CAMK1D: variants seen among roughly 807,000 people sequenced by gnomAD.
CAMK1D encodes calcium/calmodulin-dependent protein kinase type 1D.
CAMK1D carries 9 observed loss-of-function variants against 47.7 expected under a neutral mutation model. The observed-to-expected ratio is 0.19, with a 90% CI of 0.11 to 0.33. CAMK1D has a LOEUF of 0.33. CAMK1D is among the 10% of genes least tolerant of loss of function. The probability of loss-of-function intolerance (pLI) is 1.00; values close to 1 mark genes in which losing one functional copy is unlikely to be tolerated. For synonymous variants in CAMK1D, 184 were observed against 184.9 expected (o/e 0.99, Z 0.04); for missense variants, 291 against 488.7 (o/e 0.60, Z 3.81).
In CAMK1D at chr10:12,694,182, ATAATAT is replaced by A. The variant is rs1833107833; in HGVS notation, c.299+27373_299+27378del. Among the ~76,000 whole-genome samples the A allele has an allele frequency of 4.3e-5, 2 of 46,264 alleles. 1 individual carries two copies. Among genetic ancestry groups the A allele is most frequent in the Non-Finnish European group, 7.2e-5 (2 of 27,764 alleles). The allele number at this position is 46,264 out of a possible 152,430, so 30.4% of individuals were successfully genotyped here. ...ATATTATGCATAATATATATTATAT[ATAATAT>A]AATATATATTATATATTATGTATAA... On this transcript the variant is annotated intron_variant, in intron 3 of 10. Transcript: ENST00000619168.
At chr10:12,644,049 A>G (rs2132494066) in intron 2 of CAMK1D, among the ~76,000 whole-genome samples, 1 of 152,260 alleles carries the variant, frequency 6.6e-6, no homozygotes, top group African/African-American at 2.4e-5. Flanking sequence ...ACAATCATAG[A>G]AATAAAGTGC....
At chr10:12,557,652 A>G (rs774924888) in intron 2 of CAMK1D, among the ~76,000 whole-genome samples, 9 of 151,980 alleles carry the variant, frequency 5.9e-5, no homozygotes, top group Non-Finnish European at 1.2e-4. Context: ...TTAAATTCCA[A>G]CGTCTTTGTT....
intron 3 of CAMK1D, among the ~76,000 whole-genome samples, chr10:12,718,858 C>T (rs1163961972): frequency 6.6e-6 from 1 of 152,036 alleles, no homozygotes; most frequent in Non-Finnish European, 1.5e-5. Flanking sequence ...CATAACTGGG[C>T]CACCTAACTC....
At chr10:12,789,719 C>T (rs950915936) in intron 5 of CAMK1D, among the ~76,000 whole-genome samples, 1 of 152,214 alleles carries the variant, frequency 6.6e-6, no homozygotes, top group Non-Finnish European at 1.5e-5. Flanking sequence ...ATAATAGTGA[C>T]CATGCTACCA....
chr10:12,475,041 G>A (rs1307868182), intron 1 of CAMK1D, among the ~76,000 whole-genome samples: 1 of 152,098 alleles, frequency 6.6e-6, no homozygotes, highest in African/African-American at 2.4e-5. Context: ...TTACTACTGT[G>A]AACAGTGCTG....
chr10:12,697,045 G>C (rs1265348031), intron 3 of CAMK1D, among the ~76,000 whole-genome samples: 1 of 152,104 alleles, frequency 6.6e-6, no homozygotes, highest in Admixed American at 6.5e-5. Flanking sequence ...AATTCGATAT[G>C]AGTTGCCTTA....
chr10:12,586,159 G>T (rs1262156383), intron 2 of CAMK1D, among the ~76,000 whole-genome samples: 1 of 152,136 alleles, frequency 6.6e-6, no homozygotes, highest in African/African-American at 2.4e-5. Flanking sequence ...ACCAAACCTG[G>T]AGAAAGTCTT....
chr10:12,656,133 T>C (rs1315680922), intron 2 of CAMK1D, among the ~76,000 whole-genome samples: 2 of 152,204 alleles, frequency 1.3e-5, no homozygotes, highest in Non-Finnish European at 2.9e-5. Flanking sequence ...GTGGTCATAG[T>C]GTCAGAGACA....
At chr10:12,543,202 C>G (rs1055178965) in intron 1 of CAMK1D, among the ~76,000 whole-genome samples, 2 of 152,146 alleles carry the variant, frequency 1.3e-5, no homozygotes, top group African/African-American at 4.8e-5. Context: ...CACCCACCAC[C>G]ACGCCCGGCT....
rs182398331 is a variant in CAMK1D at position 12,467,352 on chromosome 10, C to G, written c.93-85873C>G. On this transcript the variant is annotated intron_variant, in intron 1 of 10. Coordinates refer to ENST00000619168, the MANE Select transcript of CAMK1D (RefSeq NM_153498.4). Reference sequence around the variant, plus strand: ...AATTTTAGTAGAGATGGGGTTTTGCCATTTTGTCCAGGCTGGTCTTGAACC... The same window carrying G: ...AATTTTAGTAGAGATGGGGTTTTGCGATTTTGTCCAGGCTGGTCTTGAACC... 2.0e-5 allele frequency among the ~76,000 whole-genome samples: 3 copies of G among 152,228 alleles called. No individual in the cohort carries two copies. The East Asian group carries it at 5.8e-4, about 29-fold the overall frequency.
intron 2 of CAMK1D, among the ~76,000 whole-genome samples, chr10:12,598,791 C>A (rs1271564121): frequency 6.6e-6 from 1 of 152,182 alleles, no homozygotes; most frequent in East Asian, 1.9e-4. Context: ...ACGGGTCAAC[C>A]TTTTAACGCG....
chr10:12,514,314 G>A (rs1887396), intron 1 of CAMK1D, among the ~76,000 whole-genome samples: 16 of 152,270 alleles, frequency 1.1e-4, no homozygotes, highest in African/African-American at 3.4e-4. Context: ...ATGCAAATTC[G>A]GTAGCAATGT....
chr10:12,460,641 G>C (rs1439074704), intron 1 of CAMK1D, among the ~76,000 whole-genome samples: 1 of 152,110 alleles, frequency 6.6e-6, no homozygotes, highest in African/African-American at 2.4e-5. Flanking sequence ...TGTTGACTAG[G>C]CTGGTCTTGA....
In CAMK1D at chr10:12,629,351, C is replaced by A. The variant is rs143587643; in HGVS notation, c.225-37385C>A. 8.6e-3 allele frequency among the ~76,000 whole-genome samples: 1,304 copies of A among 152,310 alleles called. 67 individuals are homozygous for A. Among genetic ancestry groups the A allele is most frequent in the Admixed American group, 0.078 (1,198 of 15,292 alleles). On this transcript the variant is annotated intron_variant, in intron 2 of 10. Transcript: ENST00000619168. ...CTATGACTATGCAATCAACTTTGCA[C>A]TCGATGTAGTAAAAACGTTTCATGC...
intron 1 of CAMK1D, among the ~76,000 whole-genome samples, chr10:12,362,943 CTTT>C (rs397809296): frequency 3.7e-5 from 5 of 135,268 alleles, no homozygotes; most frequent in Admixed American, 7.5e-5. Context: ...CCCGCCCGGC[CTTT>C]TTTTTTTTTT....
chr10:12,520,147 G>T (rs1588583284), intron 1 of CAMK1D, among the ~76,000 whole-genome samples: 1 of 76,490 alleles, frequency 1.3e-5, no homozygotes, highest in African/African-American at 5.1e-5. Context: ...GGTGGCTGCC[G>T]GACGGAGGGG....
At chr10:12,747,063 G>A (rs961151701) in intron 3 of CAMK1D, among the ~76,000 whole-genome samples, 2 of 151,592 alleles carry the variant, frequency 1.3e-5, no homozygotes, top group African/African-American at 4.9e-5. Context: ...ATGGAGTCCT[G>A]CTCTGTTGCC....
intron 1 of CAMK1D, among the ~76,000 whole-genome samples, chr10:12,476,576 T>G (rs1021347334): frequency 3.3e-5 from 5 of 152,198 alleles, no homozygotes; most frequent in African/African-American, 1.2e-4. Context: ...GATCATTATA[T>G]TTCCTTACAA....
intron 2 of CAMK1D, among the ~76,000 whole-genome samples, chr10:12,569,374 G>T (rs1425220845): frequency 1.3e-5 from 2 of 151,980 alleles, no homozygotes; most frequent in Non-Finnish European, 2.9e-5. Flanking sequence ...TGTTTACTCG[G>T]CATACAAGTC....
Sources: allele counts gnomAD v4.1 joint callset (sites outside exome capture counted in the v4.1 genomes callset), GRCh38; gene constraint gnomAD v4.1.1; transcripts MANE v1.5; gene names NCBI Gene and HGNC (gene_info 2026-07-23, HGNC 2026-07-21).